The following GAK variants were observed in gnomAD, a reference collection of about 807,000 sequenced individuals.
GAK encodes the protein cyclin G associated kinase.
A neutral mutation model predicts 143.9 loss-of-function variants in GAK; 79 were observed. That is an observed-to-expected ratio of 0.55 (90% CI 0.46 to 0.66). The LOEUF (loss-of-function observed/expected upper bound fraction) is 0.66, where lower values mean the gene tolerates loss of function less well. Ranked by LOEUF, GAK falls within the 30% of genes least tolerant of loss-of-function variation. The probability of loss-of-function intolerance (pLI) is 0.00; values close to 1 mark genes in which losing one functional copy is unlikely to be tolerated. For missense variants in GAK, 1,693 were observed against 1,779.7 expected (o/e 0.95, Z 0.88); for synonymous variants, 881 against 765.5 (o/e 1.15, Z -2.49).
chr4:849,834 A>ACCCCCCCCCCCCCCCC (rs33919242), intron 27 of GAK, 58 bp downstream of exon 27: 25 of 948,342 alleles, frequency 2.6e-5, no homozygotes, highest in Middle Eastern at 2.6e-4. Flanking sequence ...GCGGGGCAGG[A>ACCCCCCCCCCCCCCCC]CCCCCCCCCC....
At chr4:893,636 GA>G in intron 8 of GAK, 147 bp from the exon 9 acceptor site, 1 of 729,686 alleles carries the variant, frequency 1.4e-6, no homozygotes, top group Non-Finnish European at 2.1e-6. Context: ...GCAAAGGGAA[GA>G]ACAAAAACCG....
intron 11 of GAK, among the ~76,000 whole-genome samples, chr4:884,748 G>A (rs1389314971): frequency 1.3e-5 from 2 of 152,226 alleles, no homozygotes; most frequent in Non-Finnish European, 2.9e-5. Context: ...TGGCCAAGCT[G>A]TTCTTGTGAG....
intron 15 of GAK, among the ~76,000 whole-genome samples, chr4:879,825 T>C (rs2152804491): frequency 6.6e-6 from 1 of 152,352 alleles, no homozygotes; most frequent in East Asian, 1.9e-4. Context: ...AGGCAGCTCT[T>C]GGGTGCTTGT....
chr4:891,756 A>G (rs891327286), intron 9 of GAK, among the ~76,000 whole-genome samples: 1 of 152,098 alleles, frequency 6.6e-6, no homozygotes, highest in Non-Finnish European at 1.5e-5. Context: ...GGGAGTGGGC[A>G]GGCATTTTCT....
In GAK at chr4:865,136, G is replaced by T. The variant is rs35227944; in HGVS notation, c.3152C>A (p.Thr1051Lys). 12 of 1,609,376 alleles carry T rather than the reference G, an allele frequency of 7.5e-6. No homozygotes were observed. The highest frequency in any genetic ancestry group is 8.5e-6 in the Non-Finnish European group (10 of 1,177,818). Residue 1051 changes from threonine (T) to lysine (K), a missense_variant, in exon 23 of 28, where the codon ACG becomes AAG. Transcript: ENST00000314167. ...TETAASAVAPTPATEGPLFSP... is the reference protein window; with the variant it reads ...TETAASAVAPKPATEGPLFSP... ...GGTGGCCATACCTTCTGTGGCTGGCGTGGGGGCCACTGCCGATGCTGCAGT... is the reference window on the plus strand; with the variant it reads ...GGTGGCCATACCTTCTGTGGCTGGCTTGGGGGCCACTGCCGATGCTGCAGT...
chr4:866,244 C>G, intron 22 of GAK, 120 bp downstream of exon 22: 1 of 1,031,080 alleles, frequency 9.7e-7, no homozygotes, highest in Non-Finnish European at 1.4e-6. Context: ...GGAGCGCACC[C>G]GGAGGCCACA....
intron 24 of GAK, chr4:853,298 A>G (rs1225517054): frequency 6.6e-6 from 1 of 152,236 alleles, no homozygotes; most frequent in East Asian, 1.9e-4. Context: ...GGTTGATGCC[A>G]CTGTTTGGCT....
At chr4:877,573 TGAG>T (rs763078308) in intron 16 of GAK, 39 bp downstream of exon 16, 17 of 1,521,960 alleles carry the variant, frequency 1.1e-5, no homozygotes, top group East Asian at 4.6e-5. Flanking sequence ...TCCGGAGGGG[TGAG>T]GAGGAGGGAG....
intron 23 of GAK, among the ~76,000 whole-genome samples, chr4:864,544 C>T (rs11248051): frequency 0.085 from 12,933 of 152,252 alleles, 771 homozygotes; most frequent in South Asian, 0.18. Context: ...CGCTACCAGA[C>T]GCCGCGGGAG....
intron 1 of GAK, among the ~76,000 whole-genome samples, chr4:929,673 C>G (rs1266018956): frequency 2.1e-5 from 3 of 142,586 alleles, no homozygotes; most frequent in Non-Finnish European, 3.1e-5. Context: ...ACAGCAAGAC[C>G]TCGTCTCTTA....
At chr4:895,963 A>T (rs901098388) in intron 7 of GAK, among the ~76,000 whole-genome samples, 4 of 152,218 alleles carry the variant, frequency 2.6e-5, no homozygotes, top group African/African-American at 4.8e-5. Context: ...CATCCCTATT[A>T]GAAGTAGTCA....
intron 12 of GAK, 35 bp downstream of exon 12, chr4:884,002 G>C: frequency 6.3e-7 from 1 of 1,599,760 alleles, no homozygotes. Context: ...GGGAAGGGCC[G>C]GGGCGCGTCC....
chr4:875,272 G>T (rs1577115546), intron 18 of GAK, among the ~76,000 whole-genome samples: 1 of 152,310 alleles, frequency 6.6e-6, no homozygotes. Context: ...GAGGAAAAAA[G>T]AAACAAAATT....
chr4:919,731 C>T (rs1262669216), intron 1 of GAK, among the ~76,000 whole-genome samples: 1 of 152,204 alleles, frequency 6.6e-6, no homozygotes, highest in African/African-American at 2.4e-5. Context: ...TGATATCTAA[C>T]ATTACATCAC....
At position 898,238 on chromosome 4, in the gene GAK, C is replaced by T. The variant is rs1048117288; in HGVS notation, c.526-80G>A. 1.0e-5 allele frequency: 16 copies of T among 1,549,392 alleles called. No individual in the cohort carries two copies. The African/African-American group carries it at 1.9e-4, about 18-fold the overall frequency. ...TCAGGGAAAACGAACGGGTGTGAGA[C>T]ACAGCCAGGGCCCTTCGCAGACAGC... is the stretch of plus-strand genomic sequence containing the variant. On this transcript the variant is annotated intron_variant, in intron 5 of 27. Coordinates refer to ENST00000314167, the MANE Select transcript of GAK (RefSeq NM_005255.4).
At chr4:903,763 A>G (rs1337420498) in intron 5 of GAK, among the ~76,000 whole-genome samples, 1 of 151,546 alleles carries the variant, frequency 6.6e-6, no homozygotes, top group Non-Finnish European at 1.5e-5. Flanking sequence ...TCCTGAACTG[A>G]CACCACCGGC....
chr4:905,541 G>A (rs898175766), intron 4 of GAK, among the ~76,000 whole-genome samples: 5 of 142,812 alleles, frequency 3.5e-5, no homozygotes, highest in Non-Finnish European at 6.1e-5. Flanking sequence ...GCCACGCTAC[G>A]GACTCCGCCA....
intron 23 of GAK, among the ~76,000 whole-genome samples, chr4:864,705 A>G (rs1750847368): frequency 6.6e-6 from 1 of 152,158 alleles, no homozygotes; most frequent in Non-Finnish European, 1.5e-5. Flanking sequence ...CGCAACACCG[A>G]GACAAGACCC....
chr4:867,266 T>C lies in GAK; in HGVS notation c.2562A>G (p.Ala854=). The C allele has an allele frequency of 1.2e-6, 2 of 1,612,554 alleles. No individual in the cohort carries two copies. Among genetic ancestry groups the C allele is most frequent in the Non-Finnish European group, 1.7e-6 (2 of 1,179,402 alleles). ...RADPEPPGLA[A]GLVQQDLVFE... ...AAACCAAGTCCTGCTGCACCAGCCCTGCTGCCAGGCCGGGGGGCTCTGGGT... is the reference window on the plus strand; with the variant it reads ...AAACCAAGTCCTGCTGCACCAGCCCCGCTGCCAGGCCGGGGGGCTCTGGGT... The change falls in exon 21 of 28, where the codon GCA becomes GCG. Residue 854 remains alanine (A), a synonymous_variant. Transcript: ENST00000314167.
Sources: allele counts gnomAD v4.1 joint callset (sites outside exome capture counted in the v4.1 genomes callset), GRCh38; gene constraint gnomAD v4.1.1; transcripts MANE v1.5; gene names NCBI Gene and HGNC (gene_info 2026-07-23, HGNC 2026-07-21).